The following PSPC1 variants were observed in gnomAD, a reference collection of about 807,000 sequenced individuals.
PSPC1 encodes the protein paraspeckle protein 1.
Under a neutral mutation model 51.6 loss-of-function variants are expected in PSPC1, and 14 were observed. The observed-to-expected ratio is 0.27, with a 90% CI of 0.18 to 0.42. The LOEUF is 0.42. PSPC1 is among the 10% of genes least tolerant of loss of function. The pLI is 1.00. For missense variants in PSPC1, 406 were observed against 701.1 expected, an observed-to-expected ratio of 0.58 and a Z score of 4.75; for synonymous variants, 193 against 231.9, an observed-to-expected ratio of 0.83 and a Z score of 1.53.
intron 8 of PSPC1, among the ~76,000 whole-genome samples, chr13:19,704,904 C>A (rs1880453947): frequency 6.6e-6 from 1 of 152,078 alleles, no homozygotes; most frequent in African/African-American, 2.4e-5. Flanking sequence ...TACACAAAAA[C>A]TTTAATGTTA....
chr13:19,756,666 A>G (rs1467782336), intron 3 of PSPC1, among the ~76,000 whole-genome samples: 1 of 151,800 alleles, frequency 6.6e-6, no homozygotes, highest in Non-Finnish European at 1.5e-5. Context: ...CACCCGGCTG[A>G]TTTTTGTAAT....
At chr13:19,769,407 T>C (rs921980123) in intron 2 of PSPC1, among the ~76,000 whole-genome samples, 3 of 151,958 alleles carry the variant, frequency 2.0e-5, no homozygotes, top group African/African-American at 7.3e-5. Context: ...TACAAAAAAT[T>C]AGCCGGGCGT....
downstream of PSPC1, chr13:19,671,710 T>C (rs913102878): frequency 2.0e-5 from 16 of 809,864 alleles, no homozygotes; most frequent in Non-Finnish European, 3.1e-5. Flanking sequence ...ACAATGTAAA[T>C]TGATAAGCAA....
chr13:19,747,579 C>T (rs1172557408), intron 4 of PSPC1, among the ~76,000 whole-genome samples: 1 of 152,176 alleles, frequency 6.6e-6, no homozygotes, highest in Non-Finnish European at 1.5e-5. Context: ...GCAATCCTCC[C>T]ACCTCAGCTT....
chr13:19,757,336 C>T (rs1320080483), intron 3 of PSPC1, among the ~76,000 whole-genome samples: 1 of 152,100 alleles, frequency 6.6e-6, no homozygotes, highest in Non-Finnish European at 1.5e-5. Flanking sequence ...CAGGCAAAGA[C>T]ACCACCCCTA....
chr13:19,778,114 C>T (rs1259402478), intron 1 of PSPC1, among the ~76,000 whole-genome samples: 3 of 151,564 alleles, frequency 2.0e-5, no homozygotes, highest in Non-Finnish European at 4.4e-5. Flanking sequence ...TGGTTGCATG[C>T]GCCTGTAGTC....
rs551341814 is a variant in PSPC1, at chr13:19,755,874, C to A, written c.770+3449G>T. 3.3e-5 allele frequency among the ~76,000 whole-genome samples: 5 copies of A among 152,258 alleles called. No homozygotes were observed. In the East Asian group the frequency reaches 9.7e-4, roughly 29 times the overall value. On this transcript the variant is annotated intron_variant, in intron 3 of 8. Transcript: ENST00000338910. The stretch of plus-strand genomic sequence containing the variant: ...TAAATCCTAGTTATAAATCCAACTA[C>A]CTGCTTGACTACACTGCTAGCACCT...
rs533682004 is a variant in PSPC1 at position 19,735,880 on chromosome 13, G to A, written c.1053-5536C>T. ...TCTGTCACCCAGGCTGGAGTGCAGT[G>A]GCGCCATCTCTGCTCACTGCAAGCT... is the stretch of plus-strand genomic sequence containing the variant. On this transcript the variant is annotated intron_variant, in intron 5 of 8. Coordinates refer to ENST00000338910, the MANE Select transcript of PSPC1 (RefSeq NM_001354909.2). Among the ~76,000 whole-genome samples the A allele has an allele frequency of 5.3e-5, 8 of 151,490 alleles. 1 individual carries two copies. The South Asian group carries it at 1.7e-3, about 31-fold the overall frequency.
At chr13:19,771,969 C>T (rs1888665421) in intron 2 of PSPC1, among the ~76,000 whole-genome samples, 1 of 152,036 alleles carries the variant, frequency 6.6e-6, no homozygotes, top group African/African-American at 2.4e-5. Flanking sequence ...AAAGGATTAC[C>T]TTAAGTTTAT....
chr13:19,705,183 C>T (rs200338685), intron 8 of PSPC1, among the ~76,000 whole-genome samples: 7 of 152,234 alleles, frequency 4.6e-5, no homozygotes, highest in South Asian at 4.1e-4. Context: ...GACAGTAATC[C>T]TAATTCTTGG....
At chr13:19,692,405 G>A (rs1031385362) in intron 6 of PSPC1, among the ~76,000 whole-genome samples, 14 of 152,066 alleles carry the variant, frequency 9.2e-5, no homozygotes, top group African/African-American at 2.9e-4. Context: ...ATGTCACTGC[G>A]CCCACCCGGC....
At chr13:19,744,027 G>A (rs2138060509) in intron 4 of PSPC1, among the ~76,000 whole-genome samples, 1 of 152,286 alleles carries the variant, frequency 6.6e-6, no homozygotes, top group East Asian at 1.9e-4. Context: ...AGAATCACTT[G>A]AACCCGGGAG....
downstream of PSPC1, among the ~76,000 whole-genome samples, chr13:19,700,302 A>C (rs1451132464): frequency 1.3e-5 from 2 of 152,132 alleles, no homozygotes; most frequent in African/African-American, 4.8e-5. Flanking sequence ...ACAAGAGCCA[A>C]AGTTTCAGTC....
At chr13:19,729,919 A>G (rs1044116321) in intron 6 of PSPC1, among the ~76,000 whole-genome samples, 1 of 152,214 alleles carries the variant, frequency 6.6e-6, no homozygotes, top group Non-Finnish European at 1.5e-5. Context: ...AGATGTTTCA[A>G]TATTAGTATG....
intron 2 of PSPC1, among the ~76,000 whole-genome samples, 165 bp downstream of exon 2, chr13:19,772,075 CTT>C (rs1423798526): frequency 6.6e-6 from 1 of 152,128 alleles, no homozygotes. Flanking sequence ...GTACATGACT[CTT>C]GACTCCTACC....
At chr13:19,779,584 C>T (rs1413008784) in intron 1 of PSPC1, among the ~76,000 whole-genome samples, 1 of 17,334 alleles carries the variant, frequency 5.8e-5, no homozygotes, top group African/African-American at 1.4e-4. Context: ...CCCGGCCAGC[C>T]GCCCCGTCTG....
chr13:19,748,126 T>C (rs760298319), intron 4 of PSPC1, among the ~76,000 whole-genome samples: 1 of 151,888 alleles, frequency 6.6e-6, no homozygotes, highest in Non-Finnish European at 1.5e-5. Context: ...GGCAGGAGAA[T>C]CGCTTGAACT....
intron 6 of PSPC1, among the ~76,000 whole-genome samples, chr13:19,684,283 GGTAA>G (rs1877606342): frequency 6.6e-6 from 1 of 152,120 alleles, no homozygotes; most frequent in Non-Finnish European, 1.5e-5. Context: ...GCATAATCAA[GGTAA>G]GTTTTTTAAA....
chr13:19,678,105 CTAA>C (rs767940183), intron 6 of PSPC1: 24 of 281,716 alleles, frequency 8.5e-5, no homozygotes, highest in Admixed American at 6.5e-4. Flanking sequence ...TTCAGATCTG[CTAA>C]TAATTTATTA....
Sources: allele counts gnomAD v4.1 joint callset (sites outside exome capture counted in the v4.1 genomes callset), GRCh38; gene constraint gnomAD v4.1.1; transcripts MANE v1.5; gene names NCBI Gene and HGNC (gene_info 2026-07-23, HGNC 2026-07-21).